The following TLCD3B variants were observed in gnomAD, a reference collection of about 807,000 sequenced individuals.
The protein encoded by TLCD3B is TLC domain containing 3B.
TLCD3B carries 9 observed loss-of-function variants against 23.0 expected under a neutral mutation model. That is an observed-to-expected ratio of 0.39 (90% CI 0.24 to 0.68). TLCD3B has a LOEUF of 0.68. Ranked by LOEUF, TLCD3B falls within the 30% of genes least tolerant of loss-of-function variation. The probability of loss-of-function intolerance (pLI) is 0.44; values close to 1 mark genes in which losing one functional copy is unlikely to be tolerated. For synonymous variants in TLCD3B, 161 were observed against 161.0 expected (o/e 1.00, Z 0.00); for missense variants, 307 against 371.8 (o/e 0.83, Z 1.43).
At chr16:30,034,252 T>G (rs1304419406), upstream of TLCD3B, among the ~76,000 whole-genome samples, 3 of 151,646 alleles carry the variant, frequency 2.0e-5, no homozygotes, top group Middle Eastern at 3.4e-3. Flanking sequence ...CACTTCAGCC[T>G]GGGTGACACA....
At chr16:30,030,204 T>C (rs1315567091) in intron 1 of TLCD3B, 199 bp downstream of exon 1, 2 of 1,297,302 alleles carry the variant, frequency 1.5e-6, no homozygotes, top group Non-Finnish European at 2.2e-6. Context: ...GTAGACCAGA[T>C]GGCCGGGCTG....
intron 3 of TLCD3B, among the ~76,000 whole-genome samples, chr16:30,040,147 A>AAAAAATATATATATAT: frequency 1.0e-5 from 1 of 95,896 alleles, no homozygotes; most frequent in South Asian, 3.5e-4. Flanking sequence ...AAAAAAAAAA[A>AAAAAATATATATATAT]ATATATATAT....
chr16:30,035,193 T>G (rs1489518602), upstream of TLCD3B: 23 of 816,222 alleles, frequency 2.8e-5, no homozygotes, highest in Non-Finnish European at 3.7e-5. Context: ...ATTATAGGCG[T>G]GAGCCACCAC....
upstream of TLCD3B, among the ~76,000 whole-genome samples, chr16:30,031,817 A>G (rs1223945115): frequency 1.3e-5 from 2 of 152,158 alleles, no homozygotes; most frequent in Non-Finnish European, 2.9e-5. Context: ...CCACAGGGCC[A>G]TCAACGATCC....
chr16:30,027,848 A>T (rs1387735881), intron 2 of TLCD3B: 6 of 346,234 alleles, frequency 1.7e-5, no homozygotes, highest in Non-Finnish European at 3.5e-5. Flanking sequence ...GAGGGATGAA[A>T]GCAGAGTCAG....
At chr16:30,037,737 C>T (rs538259805) in intron 3 of TLCD3B, among the ~76,000 whole-genome samples, 1 of 152,002 alleles carries the variant, frequency 6.6e-6, no homozygotes, top group South Asian at 2.1e-4. Flanking sequence ...ACCCTGCCCC[C>T]CCAAAAAAGT....
intron 3 of TLCD3B, among the ~76,000 whole-genome samples, chr16:30,037,732 GCC>G (rs34498466): frequency 6.6e-6 from 1 of 151,490 alleles, no homozygotes; most frequent in Admixed American, 6.6e-5. Context: ...GTAAGACCCT[GCC>G]CCCCCAAAAA....
chr16:30,050,181 G>A (rs2071729353), intron 1 of TLCD3B, among the ~76,000 whole-genome samples: 1 of 152,168 alleles, frequency 6.6e-6, no homozygotes, highest in Non-Finnish European at 1.5e-5. Context: ...TGTTCCTGGA[G>A]GCCTTTTGTA....
chr16:30,025,511 G>A lies in TLCD3B; in HGVS notation c.541-44C>T, dbSNP rs199659704. 3.4e-4 allele frequency: 551 copies of A among 1,601,488 alleles called. 3 individuals are homozygous for A. In the African/African-American group the frequency reaches 6.6e-3, roughly 19 times the overall value. On this transcript the variant is annotated intron_variant, in intron 4 of 4. Transcript: ENST00000380495. The surrounding 1 kb of genome is among the most constrained non-coding windows in gnomAD (Gnocchi z 4.1). Reference sequence around the variant, plus strand: ...AGTGGCCACGGCAGCAGAAGGGCTCGGCCCCCCTTGGCCCTCTCCCTGCCT... The same window carrying A: ...AGTGGCCACGGCAGCAGAAGGGCTCAGCCCCCCTTGGCCCTCTCCCTGCCT...
intron 1 of TLCD3B, chr16:30,030,035 C>G (rs1001928116): frequency 7.5e-7 from 1 of 1,336,600 alleles, no homozygotes. Context: ...ATCCACTCCT[C>G]CATCCCTGGC....
At chr16:30,030,198 A>T in intron 1 of TLCD3B, 1 of 1,333,920 alleles carries the variant, frequency 7.5e-7, no homozygotes, top group Non-Finnish European at 1.0e-6. Flanking sequence ...ACACTAGTAG[A>T]CCAGATGGCC....
At chr16:30,027,745 G>A (rs1386894818) in intron 2 of TLCD3B, 2 of 443,826 alleles carry the variant, frequency 4.5e-6, no homozygotes, top group African/African-American at 4.0e-5. Context: ...CACATTGGCA[G>A]TTTCTCTTAA....
At chr16:30,038,073 A>T (rs532487603) in intron 3 of TLCD3B, among the ~76,000 whole-genome samples, 1 of 152,230 alleles carries the variant, frequency 6.6e-6, no homozygotes, top group East Asian at 1.9e-4. Context: ...TACATATGTA[A>T]ACATTCTCGA....
intron 2 of TLCD3B, among the ~76,000 whole-genome samples, chr16:30,043,327 G>A (rs754522529): frequency 6.6e-6 from 1 of 152,082 alleles, no homozygotes; most frequent in Non-Finnish European, 1.5e-5. Flanking sequence ...GTGCTCAGGG[G>A]ATCCTCCTGC....
chr16:30,029,475 C>T lies in TLCD3B; in HGVS notation c.166G>A (p.Gly56Ser), dbSNP rs745587834. Residue 56 changes from glycine to serine, a missense_variant, in exon 2 of 5, where the codon GGC becomes AGC. Transcript: ENST00000380495. The surrounding 1 kb of genome is among the most constrained non-coding windows in gnomAD (Gnocchi z 4.6). ...SVQAIMASTA[G>S]YIVSTSCKHI... ...TTGCAGGAGGTGGAGACGATGTAGCCGGCAGTGGAGGCCATGATGGCCTGG... is the reference window on the plus strand; with the variant it reads ...TTGCAGGAGGTGGAGACGATGTAGCTGGCAGTGGAGGCCATGATGGCCTGG... 10 of 1,613,872 alleles carry T rather than the reference C, an allele frequency of 6.2e-6. No individual in the cohort carries two copies. The highest frequency in any genetic ancestry group is 1.3e-5 in the African/African-American group (1 of 74,908).
chr16:30,038,926 A>G (rs1162005754), intron 3 of TLCD3B, among the ~76,000 whole-genome samples: 1 of 152,072 alleles, frequency 6.6e-6, no homozygotes. Context: ...ATTTTTTAAA[A>G]TCATATTTTC....
chr16:30,024,450 T>C lies in TLCD3B; in HGVS notation c.*733A>G, dbSNP rs1218717651. 1 of 641,796 alleles carries C rather than the reference T, an allele frequency of 1.6e-6. No individual in the cohort carries two copies. Among genetic ancestry groups the C allele is most frequent in the African/African-American group, 1.8e-5 (1 of 54,642 alleles). The allele number at this position is 641,796 out of a possible 1,614,324, so 39.8% of individuals were successfully genotyped here. A position where few individuals can be genotyped will look rare whatever the true frequency, so the allele number is the denominator to read the frequency against. On this transcript the variant is annotated 3_prime_UTR_variant, in exon 5 of 5. Transcript: ENST00000380495. The stretch of plus-strand genomic sequence containing the variant: ...GGTGGCGTTCACGCAGATCGTCTTT[T>C]ATTAGCGGTCTGTAAAGCACCTCCC...
At chr16:30,036,590 T>C (rs2071478516) in intron 3 of TLCD3B, 2 of 362,120 alleles carry the variant, frequency 5.5e-6, no homozygotes, top group Non-Finnish European at 1.0e-5. Context: ...TGCTCTTCCA[T>C]TGGTGGAGTG....
rs147292377 is a variant in TLCD3B, at chr16:30,043,920, C to T, written c.-229+2403G>A. ...ATGCTGGTCTCAAACTCCTGAGCTCCAGCAATACGCCCGATCCTCCTGCCT... is the reference window on the plus strand; with the variant it reads ...ATGCTGGTCTCAAACTCCTGAGCTCTAGCAATACGCCCGATCCTCCTGCCT... On this transcript the variant is annotated intron_variant, in intron 2 of 6. Coordinates refer to the TLCD3B transcript ENST00000561666. Among the ~76,000 whole-genome samples, 985 of 151,002 alleles carry T rather than the reference C, an allele frequency of 6.5e-3. 10 individuals are homozygous for T. The highest frequency in any genetic ancestry group is 0.023 in the African/African-American group (935 of 41,126).
Sources: gnomAD v4.1 joint callset for allele counts (sites outside exome capture counted in the v4.1 genomes callset) on GRCh38, gnomAD v4.1.1 for gene constraint, Gnocchi (gnomAD v3.1) non-coding constraint, MANE v1.5 for transcripts, NCBI Gene and HGNC (gene_info 2026-07-23, HGNC 2026-07-21) for gene names.